The following PSME4 variants were observed in gnomAD, a reference collection of about 807,000 sequenced individuals.
PSME4 encodes the protein proteasome activator complex subunit 4.
In PSME4, 89 loss-of-function variants were observed where a neutral mutation model predicts 253.9. The observed-to-expected ratio is 0.35, with a 90% confidence interval of 0.30 to 0.42. PSME4 has a LOEUF of 0.42. Among genes scored for constraint, PSME4 ranks in the 10% least tolerant of loss-of-function variants. PSME4 has a pLI of 1.00. For synonymous variants in PSME4, 851 were observed against 759.2 expected (o/e 1.12, Z -1.99); for missense variants, 2,014 against 2,195.2 (o/e 0.92, Z 1.65).
At chr2:53,930,789 C>G (rs753061299) in intron 10 of PSME4, among the ~76,000 whole-genome samples, 3 of 152,148 alleles carry the variant, frequency 2.0e-5, no homozygotes, top group Non-Finnish European at 2.9e-5. Flanking sequence ...AATTCTACCA[C>G]TAGGGACCTT....
chr2:53,889,128 G>A (rs2104424676), intron 37 of PSME4, among the ~76,000 whole-genome samples: 1 of 152,224 alleles, frequency 6.6e-6, no homozygotes, highest in African/African-American at 2.4e-5. Flanking sequence ...GCCTCCCAAA[G>A]TTCTGCGATT....
chr2:53,958,511 C>A (rs1447117917), intron 1 of PSME4, among the ~76,000 whole-genome samples: 1 of 151,934 alleles, frequency 6.6e-6, no homozygotes, highest in Non-Finnish European at 1.5e-5. Context: ...CAAGAGAAAC[C>A]AAATCCATTT....
rs759055932 is a variant in PSME4, at chr2:53,904,009, GA to G, written c.3075+15del. On this transcript the variant is annotated intron_variant, in intron 27 of 46. Transcript: ENST00000404125. ...TTTGAAAATGTTTACAGTAAAATAG[GA>G]AAAAAACCCTATACCTTGAATTGTT... 4 of 1,580,054 alleles carry G rather than the reference GA, an allele frequency of 2.5e-6. No homozygotes were observed. The highest frequency in any genetic ancestry group is 2.7e-5 in the African/African-American group (2 of 73,316).
At chr2:53,916,789 C>G (rs1304264932) in intron 20 of PSME4, among the ~76,000 whole-genome samples, 1 of 151,868 alleles carries the variant, frequency 6.6e-6, no homozygotes, top group African/African-American at 2.4e-5. Context: ...ATGTAAAAAG[C>G]TATACTTTGC....
intron 3 of PSME4, 93 bp from the exon 4 acceptor site, chr2:53,940,093 T>A (rs1325070461): frequency 1.0e-6 from 1 of 986,768 alleles, no homozygotes; most frequent in Non-Finnish European, 1.5e-6. Context: ...ACCTCACACA[T>A]TCAGGTATTA....
chr2:53,949,357 A>C, intron 1 of PSME4, 74 bp from the exon 2 acceptor site: 1 of 990,734 alleles, frequency 1.0e-6, no homozygotes, highest in Non-Finnish European at 1.4e-6. Flanking sequence ...AGCATTATCC[A>C]TAGAAGCCAA....
At chr2:53,915,725 C>T (rs1052603996) in intron 20 of PSME4, among the ~76,000 whole-genome samples, 3 of 151,842 alleles carry the variant, frequency 2.0e-5, no homozygotes, top group African/African-American at 7.3e-5. Flanking sequence ...AAAAAAATTA[C>T]AGCAGCTAGA....
chr2:53,908,565 T>C lies in PSME4; in HGVS notation c.2630A>G (p.Asn877Ser), dbSNP rs201209263. 78 of 1,593,464 alleles carry C rather than the reference T, an allele frequency of 4.9e-5. No homozygotes were observed. The highest frequency in any genetic ancestry group is 5.1e-6 in the Non-Finnish European group (6 of 1,171,830). ...ATCTTCTGAATTATCAAGTATGTGG[T>C]CTATAATGGAAGAAAGAAAAGGATT... ...VIATVIRKLL[N>S]HILDNSEDDT... Residue 877 changes from asparagine (N) to serine (S), a missense_variant and splice_region_variant, in exon 23 of 47, where the codon AAC (asparagine) becomes AGC (serine). This residue lies in a region of PSME4 where 989 missense variants were observed against 1,021.1 expected (regional missense o/e 0.97). Coordinates refer to ENST00000404125, the MANE Select transcript of PSME4 (RefSeq NM_014614.3).
chr2:53,902,534 T>C (rs2104436393), intron 27 of PSME4, among the ~76,000 whole-genome samples: 1 of 152,346 alleles, frequency 6.6e-6, no homozygotes, highest in South Asian at 2.1e-4. Context: ...AACCTCGATT[T>C]TGTTGATCTA....
At chr2:53,940,956 T>TTTAAATATATATATAATACATATTTAA (rs1553338431) in intron 3 of PSME4, among the ~76,000 whole-genome samples, 59 of 38,266 alleles carry the variant, frequency 1.5e-3, no homozygotes, top group Admixed American at 3.7e-3. Context: ...TATATACATA[T>TTTAAATATATATATAATACATATTTAA]ATATATATAT....
chr2:53,891,278 CAT>C (rs1293853394), intron 36 of PSME4, among the ~76,000 whole-genome samples: 5 of 152,180 alleles, frequency 3.3e-5, no homozygotes, highest in African/African-American at 1.2e-4. Context: ...CATTTACACA[CAT>C]AGATTTTCTC....
chr2:53,960,835 C>T (rs768444923), intron 1 of PSME4, among the ~76,000 whole-genome samples: 3 of 152,120 alleles, frequency 2.0e-5, no homozygotes, highest in East Asian at 1.9e-4. Context: ...TGGCCAGGCG[C>T]GGTGGCTCAT....
At chr2:53,947,563 G>A (rs1023008391) in intron 3 of PSME4, among the ~76,000 whole-genome samples, 13 of 152,060 alleles carry the variant, frequency 8.5e-5, no homozygotes, top group Non-Finnish European at 1.3e-4. Flanking sequence ...AAAATTAGCC[G>A]GGCGTGGTGG....
At chr2:53,931,718 G>C (rs1668838655) in intron 10 of PSME4, 117 bp downstream of exon 10, 1 of 1,104,372 alleles carries the variant, frequency 9.1e-7, no homozygotes, top group South Asian at 1.7e-5. Flanking sequence ...TTCTCCTCTA[G>C]GAACAGGAAT....
In PSME4 at chr2:53,897,956, G is replaced by T; in HGVS notation, c.3520C>A (p.Leu1174Met). The T allele has an allele frequency of 6.2e-7, 1 of 1,613,234 alleles. No homozygotes were observed. The highest frequency in any genetic ancestry group is 8.5e-7 in the Non-Finnish European group (1 of 1,179,240). ...GGCAACACTCGGTCATCTCTCAGCA[G>T]TAGAGACAGAAGCCCAATGCCTATA... Reference protein sequence around the residue: ...EHIGIGLLSLLLRDDRVLPLR... With the variant: ...EHIGIGLLSLMLRDDRVLPLR... The change falls in exon 31 of 47, where the codon CTG (leucine) becomes ATG (methionine). Residue 1174 changes from leucine to methionine, a missense_variant. Physicochemically the swap from Leu to Met is conservative, Grantham distance 15. Coordinates refer to ENST00000404125, the MANE Select transcript of PSME4 (RefSeq NM_014614.3).
chr2:53,955,571 C>G (rs1031689963), intron 1 of PSME4, among the ~76,000 whole-genome samples: 1 of 152,020 alleles, frequency 6.6e-6, no homozygotes, highest in Non-Finnish European at 1.5e-5. Context: ...ATTTATAAAG[C>G]AAGGCTCAAA....
In PSME4 at chr2:53,896,685, T is replaced by C. The variant is rs558171882; in HGVS notation, c.3688+119A>G. ...ACTGTTTCCTTCATAATATTATTTA[T>C]ATTTTGTGTTAATATCCATAGAACA... On this transcript the variant is annotated intron_variant, in intron 32 of 46. Transcript: ENST00000404125. 11 of 714,548 alleles carry C rather than the reference T, an allele frequency of 1.5e-5. No individual in the cohort carries two copies. The Middle Eastern group carries it at 1.0e-3, about 68-fold the overall frequency. 44.3% of individuals were successfully genotyped at this position (714,548 alleles called of 1,614,324 possible).
chr2:53,871,525 A>C (rs1331848383), intron 43 of PSME4, among the ~76,000 whole-genome samples: 4 of 152,070 alleles, frequency 2.6e-5, no homozygotes, highest in Non-Finnish European at 5.9e-5. Context: ...AAGTGCTGGG[A>C]TTACAGGCAT....
chr2:53,930,077 A>G (rs1470358739), intron 10 of PSME4, among the ~76,000 whole-genome samples: 1 of 152,020 alleles, frequency 6.6e-6, no homozygotes, highest in Non-Finnish European at 1.5e-5. Flanking sequence ...AGGTGATGCC[A>G]CTTCAAAACA....
Sources: gnomAD v4.1 joint callset for allele counts (sites outside exome capture counted in the v4.1 genomes callset) on GRCh38, gnomAD v4.1.1 for gene constraint, gnomAD v4.1.1 regional missense constraint, MANE v1.5 for transcripts, NCBI Gene and HGNC (gene_info 2026-07-23, HGNC 2026-07-21) for gene names.